The following SLIT3 variants were observed in gnomAD, a reference collection of about 807,000 sequenced individuals.
SLIT3 encodes the protein slit homolog 3 protein.
Under a neutral mutation model 184.0 loss-of-function variants are expected in SLIT3, and 68 were observed. The observed-to-expected ratio is 0.37, with a 90% CI of 0.30 to 0.45. SLIT3 has a LOEUF of 0.45. SLIT3 is among the 20% of genes least tolerant of loss of function. The pLI, the probability that SLIT3 is intolerant of heterozygous loss-of-function variation, is 1.00. For missense variants in SLIT3, 1,707 were observed against 2,026.0 expected, an observed-to-expected ratio of 0.84 and a Z score of 3.02; for synonymous variants, 831 against 828.6, an observed-to-expected ratio of 1.00 and a Z score of -0.05.
At chr5:169,046,588 T>C (rs76234613) in intron 4 of SLIT3, among the ~76,000 whole-genome samples, 4,847 of 152,238 alleles carry the variant, frequency 0.032, 200 homozygotes, top group East Asian at 0.099. Flanking sequence ...AAGAAAGCCA[T>C]GCAAGGGTTG....
intron 4 of SLIT3, among the ~76,000 whole-genome samples, chr5:169,002,045 G>T (rs1215651468): frequency 1.3e-5 from 2 of 151,982 alleles, no homozygotes; most frequent in East Asian, 1.9e-4. Flanking sequence ...CTGGTGTGGT[G>T]GTTCACTCCT....
rs1453177932 is a variant in SLIT3, at chr5:168,696,330, A to T, written c.3044T>A (p.Ile1015Asn). ...CENNATCVDG[I>N]NNYVCICPPN... is the part of the protein sequence containing the mutation. ...CGGACAGATACACACGTAGTTGTTG[A>T]TCCCGTCCACGCAGGTGGCATTGTT... The change falls in exon 28 of 36, where the codon ATC becomes AAC. Residue 1015 changes from isoleucine (I) to asparagine (N), a missense_variant. Around this residue, in one of 3 missense-constraint regions of SLIT3, gnomAD observed 1,307 missense variants for 1,511.6 expected, o/e 0.86. Transcript: ENST00000519560. 11 of 1,614,148 alleles carry T rather than the reference A, an allele frequency of 6.8e-6. No individual in the cohort carries two copies. Among genetic ancestry groups the T allele is most frequent in the Non-Finnish European group, 9.3e-6 (11 of 1,180,024 alleles).
In SLIT3 at chr5:169,300,470, AC is replaced by A; in HGVS notation, c.197+42del. ...TGGCGCCTGGGGCCCCCTCGGTGGG[AC>A]CCAGGTGGGTGGCCCGCGTGGGGTG... On this transcript the variant is annotated intron_variant, in intron 1 of 35. Transcript: ENST00000519560. This position sits in a 1 kb window ranked among gnomAD's most constrained non-coding sequence, Gnocchi z 4.1. The A allele has an allele frequency of 1.4e-6, 2 of 1,425,948 alleles. No homozygotes were observed. The highest frequency in any genetic ancestry group is 1.5e-5 in the South Asian group (1 of 68,790). The allele number at this position is 1,425,948 out of a possible 1,614,324, so 88.3% of individuals were successfully genotyped here.
intron 27 of SLIT3, among the ~76,000 whole-genome samples, chr5:168,699,012 G>A (rs961164408): frequency 2.0e-5 from 3 of 152,170 alleles, no homozygotes; most frequent in East Asian, 1.9e-4. Flanking sequence ...CCAATCCCTC[G>A]CCTGGGTGGG....
intron 23 of SLIT3, among the ~76,000 whole-genome samples, chr5:168,716,196 C>T (rs1225646631): frequency 6.6e-5 from 10 of 152,128 alleles, no homozygotes; most frequent in Admixed American, 3.9e-4. Context: ...AGGATAGTCT[C>T]GATCTCTTGA....
At chr5:168,919,025 C>G (rs1761538101) in intron 4 of SLIT3, among the ~76,000 whole-genome samples, 1 of 152,032 alleles carries the variant, frequency 6.6e-6, no homozygotes, top group African/African-American at 2.4e-5. Flanking sequence ...CTTTGGGAGG[C>G]TGAGGCGGGT....
At chr5:169,231,154 C>T (rs1436083017) in intron 3 of SLIT3, among the ~76,000 whole-genome samples, 1 of 152,160 alleles carries the variant, frequency 6.6e-6, no homozygotes. Context: ...AGCTTCAAGT[C>T]AGAGCCATGC....
intron 3 of SLIT3, among the ~76,000 whole-genome samples, chr5:169,203,389 A>ACACACACACACAC: frequency 6.8e-6 from 1 of 147,386 alleles, no homozygotes; most frequent in African/African-American, 2.5e-5. Context: ...ACACACACAC[A>ACACACACACACAC]GCAGATAATA....
At chr5:168,675,983 A>G (rs557276615) in intron 32 of SLIT3, among the ~76,000 whole-genome samples, 2 of 151,020 alleles carry the variant, frequency 1.3e-5, no homozygotes, top group African/African-American at 4.9e-5. Context: ...TCATCCATCC[A>G]CCCTCCTCTC....
At chr5:168,838,096 A>T (rs1048768476) in intron 6 of SLIT3, among the ~76,000 whole-genome samples, 1 of 152,236 alleles carries the variant, frequency 6.6e-6, no homozygotes. Context: ...TTCACTACAG[A>T]TAATGATCTC....
intron 1 of SLIT3, among the ~76,000 whole-genome samples, chr5:169,256,477 A>C (rs1299602027): frequency 6.6e-6 from 1 of 152,190 alleles, no homozygotes; most frequent in Non-Finnish European, 1.5e-5. Context: ...GTGCAAGTGC[A>C]CTCATGACTT....
intron 32 of SLIT3, among the ~76,000 whole-genome samples, chr5:168,680,207 G>T (rs1431974347): frequency 1.3e-5 from 2 of 152,174 alleles, no homozygotes; most frequent in Non-Finnish European, 2.9e-5. Flanking sequence ...TTACCTATGT[G>T]GCCATTTGGC....
rs1036186286 is a variant in SLIT3 at position 169,274,847 on chromosome 5, G to A, written c.198-23388C>T. Among the ~76,000 whole-genome samples the A allele has an allele frequency of 2.0e-5, 3 of 152,238 alleles. No homozygotes were observed. In the South Asian group the frequency reaches 6.2e-4, roughly 32 times the overall value. On this transcript the variant is annotated intron_variant, in intron 1 of 35. Coordinates refer to ENST00000519560, the MANE Select transcript of SLIT3 (RefSeq NM_003062.4). Reference sequence around the variant, plus strand: ...CTTACCAGTTGGGTGGTCTTGTGTGGGTCATTTAAATCCATTAAGCCTCAG... The same window carrying A: ...CTTACCAGTTGGGTGGTCTTGTGTGAGTCATTTAAATCCATTAAGCCTCAG...
chr5:168,742,013 T>A (rs1455117705), intron 20 of SLIT3, among the ~76,000 whole-genome samples: 1 of 119,970 alleles, frequency 8.3e-6, no homozygotes, highest in African/African-American at 3.2e-5. Context: ...GGACTGAGAC[T>A]GAGAAACCAG....
intron 4 of SLIT3, among the ~76,000 whole-genome samples, chr5:168,998,742 A>ACAAAACAAAAGAAAT (rs771607843): frequency 1.1e-3 from 162 of 152,012 alleles, no homozygotes; most frequent in South Asian, 1.7e-3. Context: ...ACAAAACAAA[A>ACAAAACAAAAGAAAT]GGCCATTGAA....
At chr5:168,756,691 A>C (rs1207496274) in intron 16 of SLIT3, among the ~76,000 whole-genome samples, 1 of 152,212 alleles carries the variant, frequency 6.6e-6, no homozygotes, top group Admixed American at 6.5e-5. Flanking sequence ...ATTACCCCCA[A>C]ATGAGATGCA....
intron 4 of SLIT3, among the ~76,000 whole-genome samples, chr5:169,076,275 A>G (rs1244599720): frequency 6.6e-6 from 1 of 152,246 alleles, no homozygotes; most frequent in Non-Finnish European, 1.5e-5. Flanking sequence ...TTCAGACTTA[A>G]AAGAGATCAG....
intron 3 of SLIT3, among the ~76,000 whole-genome samples, chr5:169,231,722 A>C (rs1011548148): frequency 2.6e-5 from 4 of 152,220 alleles, no homozygotes; most frequent in Non-Finnish European, 4.4e-5. Flanking sequence ...TGGAAGGTAC[A>C]TGTACATTCA....
intron 4 of SLIT3, among the ~76,000 whole-genome samples, chr5:169,085,585 T>C (rs1030629351): frequency 9.2e-5 from 14 of 152,158 alleles, no homozygotes; most frequent in Non-Finnish European, 1.5e-4. Context: ...GTTTAAGCCT[T>C]GATGAAAATT....
Sources: allele counts gnomAD v4.1 joint callset (sites outside exome capture counted in the v4.1 genomes callset), GRCh38; gene constraint gnomAD v4.1.1; regional missense constraint gnomAD v4.1.1; non-coding constraint Gnocchi (gnomAD v3.1); transcripts MANE v1.5; gene names NCBI Gene and HGNC (gene_info 2026-07-23, HGNC 2026-07-21).